The following TRDMT1 variants were observed in gnomAD, a reference collection of about 807,000 sequenced individuals.
TRDMT1 encodes the protein tRNA aspartic acid methyltransferase 1.
Under a neutral mutation model 51.2 loss-of-function variants are expected in TRDMT1, and 49 were observed. The ratio of observed to expected loss-of-function variants is 0.96; its 90% CI spans 0.76 to 1.21. The LOEUF is 1.21. Ranked by LOEUF, TRDMT1 falls within the 50% of genes most tolerant of loss-of-function variation. The pLI is 0.00. For missense variants in TRDMT1, 534 were observed against 462.3 expected, an observed-to-expected ratio of 1.16 and a Z score of -1.42; for synonymous variants, 187 against 164.6, an observed-to-expected ratio of 1.14 and a Z score of -1.04.
chr10:17,189,142 T>C (rs987261254), intron 1 of TRDMT1, among the ~76,000 whole-genome samples: 25 of 152,328 alleles, frequency 1.6e-4, no homozygotes, highest in African/African-American at 4.8e-4. Context: ...AAGGCCATAC[T>C]CTCTTTCTGA....
rs1241546539 is a variant in TRDMT1, at chr10:17,147,361, T to A, written c.*1679A>T. On this transcript the variant is annotated 3_prime_UTR_variant, in exon 11 of 11. Transcript: ENST00000377799. ...ATATTTATCTATGAGTTCTGAAAAA[T>A]TGGTAATAGAGTATGATTTTTTCAA... The A allele has an allele frequency of 1.0e-6, 1 of 984,856 alleles. No individual in the cohort carries two copies. Among genetic ancestry groups the A allele is most frequent in the African/African-American group, 1.7e-5 (1 of 57,336 alleles). 61.0% of individuals were successfully genotyped at this position (984,856 alleles called of 1,614,324 possible). A position where few individuals can be genotyped will look rare whatever the true frequency, so the allele number is the denominator to read the frequency against.
Position 17,144,357 on chromosome 10 carries a change from C to G in TRDMT1, c.*4683G>C. The G allele has an allele frequency of 1.0e-6, 1 of 985,384 alleles. No individual in the cohort carries two copies. The highest frequency in any genetic ancestry group is 1.2e-6 in the Non-Finnish European group (1 of 829,906). The allele number at this position is 985,384 out of a possible 1,614,324, so 61.0% of individuals were successfully genotyped here. A position where few individuals can be genotyped will look rare whatever the true frequency, so the allele number is the denominator to read the frequency against. ...GTAAACACTGAAGCCATGCTAGGTA[C>G]AAGCAAAGAAATGAAAAAACCCTAG... is the stretch of plus-strand genomic sequence containing the variant. On this transcript the variant is annotated 3_prime_UTR_variant, in exon 11 of 11. Transcript: ENST00000377799.
rs1029680134 is a variant in TRDMT1 at position 17,138,501 on chromosome 10, G to C, written c.*10539C>G. Among the ~76,000 whole-genome samples the C allele has an allele frequency of 3.9e-5, 6 of 152,198 alleles. No individual in the cohort carries two copies. Among genetic ancestry groups the C allele is most frequent in the African/African-American group, 1.4e-4 (6 of 41,458 alleles). ...TATTCTTTTGCTCATTTCATGGGAAGTGCATTACCATGTAGGAAATTACCA... is the reference window on the plus strand; with the variant it reads ...TATTCTTTTGCTCATTTCATGGGAACTGCATTACCATGTAGGAAATTACCA... On this transcript the variant is annotated 3_prime_UTR_variant, in exon 11 of 11. Coordinates refer to ENST00000377799, the MANE Select transcript of TRDMT1 (RefSeq NM_004412.7).
At chr10:17,193,916 T>C (rs560772033) in intron 1 of TRDMT1, among the ~76,000 whole-genome samples, 6 of 152,208 alleles carry the variant, frequency 3.9e-5, no homozygotes, top group African/African-American at 1.4e-4. Context: ...AACTATACTA[T>C]AAGACTACGG....
chr10:17,177,713 A>AACACACAC (rs372220525), intron 1 of TRDMT1, among the ~76,000 whole-genome samples: 2,241 of 147,086 alleles, frequency 0.015, 41 homozygotes, highest in East Asian at 0.068. Context: ...ATAGACAAGA[A>AACACACAC]ACACACACAC....
chr10:17,149,279 A>G (rs535335491), intron 10 of TRDMT1, 139 bp from the exon 11 acceptor site: 1 of 673,096 alleles, frequency 1.5e-6, no homozygotes, highest in Admixed American at 3.1e-5. Flanking sequence ...TATTAACAAA[A>G]GAGAATTTGG....
At chr10:17,151,440 G>A in intron 10 of TRDMT1, 4 of 957,168 alleles carry the variant, frequency 4.2e-6, no homozygotes, top group Non-Finnish European at 5.0e-6. Flanking sequence ...AAGGATCAAT[G>A]CAGATCCATC....
chr10:17,170,514 T>A (rs1158945579), intron 2 of TRDMT1, among the ~76,000 whole-genome samples: 1 of 152,238 alleles, frequency 6.6e-6, no homozygotes, highest in African/African-American at 2.4e-5. Flanking sequence ...TATTTGTCCC[T>A]CTGCCTGCCT....
intron 9 of TRDMT1, among the ~76,000 whole-genome samples, chr10:17,154,245 C>T (rs1839191430): frequency 6.6e-6 from 1 of 152,072 alleles, no homozygotes; most frequent in African/African-American, 2.4e-5. Context: ...TCAACCATGA[C>T]ACCATGAAGA....
intron 1 of TRDMT1, among the ~76,000 whole-genome samples, chr10:17,187,956 T>C (rs1480927314): frequency 6.6e-6 from 1 of 152,096 alleles, no homozygotes; most frequent in Non-Finnish European, 1.5e-5. Context: ...TGACTTCATA[T>C]TGTATAATTT....
chr10:17,181,753 T>C (rs1039952606), intron 1 of TRDMT1, among the ~76,000 whole-genome samples: 2 of 152,326 alleles, frequency 1.3e-5, no homozygotes, highest in Middle Eastern at 3.4e-3. Context: ...GTCTTAAATA[T>C]AGTCCCAATA....
intron 6 of TRDMT1, among the ~76,000 whole-genome samples, chr10:17,159,507 TATAG>T (rs1204101120): frequency 6.6e-6 from 1 of 152,306 alleles, no homozygotes; most frequent in African/African-American, 2.4e-5. Flanking sequence ...TAAGACGTAG[TATAG>T]ATATTTTTAC....
At chr10:17,182,072 C>T (rs1343340592) in intron 1 of TRDMT1, among the ~76,000 whole-genome samples, 1 of 152,166 alleles carries the variant, frequency 6.6e-6, no homozygotes, top group Non-Finnish European at 1.5e-5. Context: ...CAATTAGGCA[C>T]AATAAGAGGT....
At position 17,141,435 on chromosome 10, in the gene TRDMT1, C is replaced by T. The variant is rs1251265621; in HGVS notation, c.*7605G>A. ...TTCGCCTCCTAAAGTGCTGGGATTA[C>T]AGGTGTCAGCCACCGCGCCCAGCCT... On this transcript the variant is annotated 3_prime_UTR_variant, in exon 11 of 11. Transcript: ENST00000377799. 6.6e-6 allele frequency among the ~76,000 whole-genome samples: 1 copy of T among 152,144 alleles called. No individual in the cohort carries two copies. Among genetic ancestry groups the T allele is most frequent in the Non-Finnish European group, 1.5e-5 (1 of 68,024 alleles).
chr10:17,147,149 A>G lies in TRDMT1; in HGVS notation c.*1891T>C. The G allele has an allele frequency of 1.0e-6, 1 of 985,792 alleles. No individual in the cohort carries two copies. Among genetic ancestry groups the G allele is most frequent in the Non-Finnish European group, 1.2e-6 (1 of 829,840 alleles). 61.1% of individuals were successfully genotyped at this position (985,792 alleles called of 1,614,324 possible). ...AGCATAATTATTCATAGTTACAGTA[A>G]AACTCTAAACCATTTTATTTAGAAT... On this transcript the variant is annotated 3_prime_UTR_variant, in exon 11 of 11. Coordinates refer to ENST00000377799, the MANE Select transcript of TRDMT1 (RefSeq NM_004412.7).
intron 3 of TRDMT1, among the ~76,000 whole-genome samples, chr10:17,165,318 T>C (rs963202766): frequency 6.6e-6 from 1 of 152,326 alleles, no homozygotes; most frequent in Non-Finnish European, 1.5e-5. Context: ...GCTAGCCATA[T>C]GTAGAAAGCT....
intron 1 of TRDMT1, among the ~76,000 whole-genome samples, chr10:17,182,069 G>C (rs1843348868): frequency 6.6e-6 from 1 of 152,092 alleles, no homozygotes; most frequent in Non-Finnish European, 1.5e-5. Context: ...AGCCAATTAG[G>C]CACAATAAGA....
chr10:17,175,805 C>A (rs1334543984), intron 1 of TRDMT1, among the ~76,000 whole-genome samples: 1 of 152,128 alleles, frequency 6.6e-6, no homozygotes, highest in South Asian at 2.1e-4. Context: ...TAACCTTCCA[C>A]TGAGGCCTAG....
Position 17,149,119 on chromosome 10 carries a change from A to G in TRDMT1, c.1097T>C (p.Val366Ala). ...TCCAAGTAGGCGATAACGCTGTTTC[A>G]CTGTTATCTTCTCAGGAAATCCTAA... Reference protein sequence around the residue: ...PEFGFPEKITVKQRYRLLGNS... With the variant: ...PEFGFPEKITAKQRYRLLGNS... Residue 366 changes from valine to alanine, a missense_variant, in exon 11 of 11, where the codon GTG becomes GCG. Transcript: ENST00000377799. 1 of 1,610,818 alleles carries G rather than the reference A, an allele frequency of 6.2e-7. No homozygotes were observed.
Sources: gnomAD v4.1 joint callset for allele counts (sites outside exome capture counted in the v4.1 genomes callset) on GRCh38, gnomAD v4.1.1 for gene constraint, MANE v1.5 for transcripts, NCBI Gene and HGNC (gene_info 2026-07-23, HGNC 2026-07-21) for gene names.